Variants in CCDC150 observed in about 807,000 individuals in gnomAD.
CCDC150 encodes the protein coiled-coil domain containing 150.
In CCDC150, 151 loss-of-function variants were observed where a neutral mutation model predicts 156.5. That is an observed-to-expected ratio of 0.97 (90% CI 0.85 to 1.10). The LOEUF is 1.10. CCDC150 is among the 50% of genes least tolerant of loss of function. CCDC150 has a pLI of 0.00. For missense variants in CCDC150, 1,312 were observed against 1,268.1 expected, an observed-to-expected ratio of 1.03 and a Z score of -0.53; for synonymous variants, 452 against 429.4, an observed-to-expected ratio of 1.05 and a Z score of -0.65.
At chr2:196,708,569 T>C (rs978249331) in intron 15 of CCDC150, among the ~76,000 whole-genome samples, 2 of 152,230 alleles carry the variant, frequency 1.3e-5, no homozygotes, top group Admixed American at 6.5e-5. Context: ...CTGGTTATTT[T>C]GCCCATTAGT....
At chr2:196,664,751 A>G (rs1425535948) in intron 5 of CCDC150, among the ~76,000 whole-genome samples, 1 of 151,996 alleles carries the variant, frequency 6.6e-6, no homozygotes, top group Non-Finnish European at 1.5e-5. Context: ...ACCAGCCCCC[A>G]TCCACAGCTA....
rs1044591463 is a variant in CCDC150 at position 196,695,164 on chromosome 2, G to A, written c.1623+5G>A. 9.8e-6 allele frequency: 15 copies of A among 1,526,058 alleles called. No individual in the cohort carries two copies. The highest frequency in any genetic ancestry group is 3.4e-5 in the Admixed American group (2 of 58,946). 94.5% of individuals were successfully genotyped at this position (1,526,058 alleles called of 1,614,324 possible). The stretch of plus-strand genomic sequence containing the variant: ...GTCACTTCTGATTACCATGGGGTGG[G>A]TATAAAAAGATCAGTCTAAATAGCA... On this transcript the variant is annotated splice_donor_5th_base_variant and intron_variant, in intron 14 of 27. Coordinates refer to ENST00000389175, the MANE Select transcript of CCDC150 (RefSeq NM_001080539.2).
chr2:196,729,757 G>C, intron 23 of CCDC150, 36 bp from the exon 24 acceptor site: 1 of 1,403,074 alleles, frequency 7.1e-7, no homozygotes, highest in East Asian at 2.4e-5. Flanking sequence ...TTTTTCCACT[G>C]ATCATCTTTT....
chr2:196,669,831 A>G lies in CCDC150; in HGVS notation c.893-2A>G, dbSNP rs903917780. 1 of 1,605,972 alleles carries G rather than the reference A, an allele frequency of 6.2e-7. No individual in the cohort carries two copies. Among genetic ancestry groups the G allele is most frequent in the South Asian group, 1.1e-5 (1 of 90,640 alleles). ...ATAGTTATGTGGAATTTTTGTTTTT[A>G]GCTTCTAGAGATGACCTCATTTCCA... On this transcript the variant is annotated splice_acceptor_variant, in intron 7 of 27. Coordinates refer to ENST00000389175, the MANE Select transcript of CCDC150 (RefSeq NM_001080539.2). LOFTEE classifies it high-confidence loss of function.
At chr2:196,704,008 C>G (rs1696419807) in intron 15 of CCDC150, among the ~76,000 whole-genome samples, 1 of 152,308 alleles carries the variant, frequency 6.6e-6, no homozygotes, top group East Asian at 1.9e-4. Context: ...ACTTCATCAG[C>G]TCTAGGGAAA....
At chr2:196,669,556 T>C (rs1694070249) in intron 7 of CCDC150, among the ~76,000 whole-genome samples, 1 of 152,222 alleles carries the variant, frequency 6.6e-6, no homozygotes. Flanking sequence ...TTGCCTTTAT[T>C]GTACCTTTGT....
intron 1 of CCDC150, among the ~76,000 whole-genome samples, chr2:196,640,279 C>T (rs1692135720): frequency 1.3e-5 from 2 of 152,186 alleles, no homozygotes; most frequent in Admixed American, 6.5e-5. Flanking sequence ...CCTATAATTT[C>T]CCAGGCACTG....
intron 8 of CCDC150, among the ~76,000 whole-genome samples, chr2:196,671,600 G>T (rs1286748587): frequency 1.6e-5 from 1 of 61,100 alleles, no homozygotes; most frequent in Non-Finnish European, 3.3e-5. Context: ...GCTAATTTTT[G>T]TATTTTTTAG....
chr2:196,721,504 C>G lies in CCDC150; in HGVS notation c.2260-18C>G, dbSNP rs758574815. ...CTGTCCATTACAGTGGAATTGAAAA[C>G]ATGCTTCTCTCTTTCAGATTGAATC... On this transcript the variant is annotated intron_variant, in intron 20 of 27. Transcript: ENST00000389175. 1.5e-5 allele frequency: 23 copies of G among 1,579,770 alleles called. No homozygotes were observed. Among genetic ancestry groups the G allele is most frequent in the Non-Finnish European group, 1.9e-5 (22 of 1,164,932 alleles).
At chr2:196,678,765 G>C (rs1046638939) in intron 13 of CCDC150, among the ~76,000 whole-genome samples, 4 of 152,088 alleles carry the variant, frequency 2.6e-5, no homozygotes, top group Admixed American at 6.5e-5. Context: ...AATTAACCAG[G>C]TGCGGTGGCG....
intron 21 of CCDC150, among the ~76,000 whole-genome samples, chr2:196,723,176 A>T (rs1320722303): frequency 6.6e-6 from 1 of 152,222 alleles, no homozygotes; most frequent in Admixed American, 6.5e-5. Flanking sequence ...AGTTCTAAGA[A>T]GAGGCTACTA....
At chr2:196,675,650 G>A (rs1694452238) in intron 10 of CCDC150, among the ~76,000 whole-genome samples, 1 of 152,016 alleles carries the variant, frequency 6.6e-6, no homozygotes. Flanking sequence ...TTATCTGAGT[G>A]CAATTTAAGA....
intron 13 of CCDC150, among the ~76,000 whole-genome samples, chr2:196,692,121 A>ATTT (rs1161513452): frequency 1.8e-4 from 11 of 62,042 alleles, no homozygotes; most frequent in Admixed American, 2.2e-4. Flanking sequence ...TTGAGATCTA[A>ATTT]TTTTTTTTTT....
intron 14 of CCDC150, among the ~76,000 whole-genome samples, chr2:196,697,025 T>C (rs935100755): frequency 3.3e-5 from 5 of 152,244 alleles, no homozygotes; most frequent in Admixed American, 6.5e-5. Context: ...CAGTATACTC[T>C]GCACATCCAT....
At chr2:196,674,148 T>G (rs1194277747) in intron 9 of CCDC150, 93 bp from the exon 10 acceptor site, 66 of 753,352 alleles carry the variant, frequency 8.8e-5, no homozygotes, top group Non-Finnish European at 1.3e-4. Context: ...ATATATACAG[T>G]GAGATACTAT....
At chr2:196,685,651 A>G (rs1695080335) in intron 13 of CCDC150, among the ~76,000 whole-genome samples, 1 of 149,154 alleles carries the variant, frequency 6.7e-6, no homozygotes, top group Non-Finnish European at 1.5e-5. Flanking sequence ...TCGCTCTGTC[A>G]CCCAGGCTGG....
At chr2:196,720,997 C>T (rs1267952169) in intron 20 of CCDC150, among the ~76,000 whole-genome samples, 2 of 151,978 alleles carry the variant, frequency 1.3e-5, no homozygotes, top group Non-Finnish European at 2.9e-5. Context: ...GGAGTGATCC[C>T]ACTATTAATA....
At chr2:196,655,198 A>C (rs1214614478) in intron 2 of CCDC150, among the ~76,000 whole-genome samples, 1 of 152,190 alleles carries the variant, frequency 6.6e-6, no homozygotes, top group East Asian at 1.9e-4. Context: ...CTCTGTGGCA[A>C]ATACCTATAC....
chr2:196,712,206 A>C lies in CCDC150; in HGVS notation c.1757A>C (p.Asp586Ala). The C allele has an allele frequency of 6.3e-7, 1 of 1,585,466 alleles. No individual in the cohort carries two copies. Among genetic ancestry groups the C allele is most frequent in the East Asian group, 2.3e-5 (1 of 44,368 alleles). Reference protein sequence around the residue: ...QSFTDTSLQNDHLRKMNKYLQ... With the variant: ...QSFTDTSLQNAHLRKMNKYLQ... Reference sequence around the variant, plus strand: ...TTTACTGACACCAGCTTACAGAATGATCATCTACGCAAGATGAATAAGTAT... The same window carrying C: ...TTTACTGACACCAGCTTACAGAATGCTCATCTACGCAAGATGAATAAGTAT... Residue 586 changes from aspartate (D) to alanine (A), a missense_variant, in exon 16 of 28, where the codon GAT (aspartate) becomes GCT (alanine). By Grantham distance (126) the Asp-to-Ala change is moderately radical. Transcript: ENST00000389175.
Sources: gnomAD v4.1 joint callset for allele counts (sites outside exome capture counted in the v4.1 genomes callset) on GRCh38, gnomAD v4.1.1 for gene constraint, MANE v1.5 for transcripts, NCBI Gene and HGNC (gene_info 2026-07-23, HGNC 2026-07-21) for gene names.